RDH12: variants seen among roughly 807,000 people sequenced by gnomAD.
RDH12 encodes retinol dehydrogenase 12, also known as all-trans and 9-cis retinol dehydrogenase.
A neutral mutation model predicts 34.0 loss-of-function variants in RDH12; 21 were observed. The observed-to-expected ratio is 0.62, with a 90% CI of 0.44 to 0.89. The LOEUF is 0.89. Among genes scored for constraint, RDH12 ranks in the 40% least tolerant of loss-of-function variants. The probability of loss-of-function intolerance (pLI) is 0.00; values close to 1 mark genes in which losing one functional copy is unlikely to be tolerated. For missense variants in RDH12, 394 were observed against 398.6 expected (o/e 0.99, Z 0.10); for synonymous variants, 198 against 169.9 (o/e 1.17, Z -1.29).
intron 1 of RDH12, among the ~76,000 whole-genome samples, chr14:67,712,581 C>T (rs1169638528): frequency 1.3e-5 from 2 of 149,122 alleles, no homozygotes; most frequent in Non-Finnish European, 3.0e-5. Flanking sequence ...TACAAACACA[C>T]CTTGGATGTT....
At chr14:67,727,484 T>G (rs1438706291) in intron 7 of RDH12, 1 of 345,418 alleles carries the variant, frequency 2.9e-6, no homozygotes, top group Admixed American at 4.5e-5. Flanking sequence ...TTGTTTTTTT[T>G]GTTTTTTTTT....
At chr14:67,705,542 T>C (rs1056868640) in intron 1 of RDH12, among the ~76,000 whole-genome samples, 2 of 152,200 alleles carry the variant, frequency 1.3e-5, no homozygotes, top group African/African-American at 2.4e-5. Context: ...AAATGCAATG[T>C]GGGGTCCTGA....
At chr14:67,724,624 A>G in intron 4 of RDH12, 33 bp downstream of exon 4, 1 of 1,477,652 alleles carries the variant, frequency 6.8e-7, no homozygotes, top group African/African-American at 1.4e-5. Context: ...CCAAAGGGCC[A>G]TGCCTCCCAC....
chr14:67,732,032 C>T (rs573046391), intron 8 of RDH12, among the ~76,000 whole-genome samples: 1 of 148,976 alleles, frequency 6.7e-6, no homozygotes, highest in Non-Finnish European at 1.5e-5. Context: ...GAGGCTGAGG[C>T]AGGAGAATCA....
At chr14:67,704,126 T>C (rs975931895) in intron 1 of RDH12, among the ~76,000 whole-genome samples, 1 of 152,210 alleles carries the variant, frequency 6.6e-6, no homozygotes. Context: ...AATTTAAATA[T>C]ATTTCCCCCT....
rs1809099560 is a variant in RDH12 at position 67,725,980 on chromosome 14, T to TA, written c.344-70dup. The TA allele has an allele frequency of 1.1e-5, 11 of 1,003,918 alleles. 1 individual carries two copies. Among genetic ancestry groups the TA allele is most frequent in the African/African-American group, 9.5e-5 (6 of 63,276 alleles). 62.2% of individuals were successfully genotyped at this position (1,003,918 alleles called of 1,614,324 possible). ...CTAATGAACAAAGGGAAAGGGCAATTATGCAGGTCTGTTACAGGCAGCTAG... is the reference window on the plus strand; with the variant it reads ...CTAATGAACAAAGGGAAAGGGCAATTAATGCAGGTCTGTTACAGGCAGCTAG... On this transcript the variant is annotated intron_variant, in intron 5 of 8. Transcript: ENST00000551171.
chr14:67,729,812 G>C (rs749675768), intron 8 of RDH12: 1 of 487,106 alleles, frequency 2.1e-6, no homozygotes, highest in Non-Finnish European at 4.1e-6. Flanking sequence ...TGCCAAGATT[G>C]GCACTATCTG....
chr14:67,706,858 T>G (rs2037955654), intron 1 of RDH12, among the ~76,000 whole-genome samples: 2 of 152,214 alleles, frequency 1.3e-5, no homozygotes, highest in Non-Finnish European at 2.9e-5. Context: ...TTAGGATGGT[T>G]CGTTCCTAGA....
chr14:67,719,484 T>A (rs1217215384), intron 1 of RDH12, among the ~76,000 whole-genome samples: 2 of 151,954 alleles, frequency 1.3e-5, no homozygotes, highest in Admixed American at 1.3e-4. Context: ...TTTTCTTTTC[T>A]TTTTTTTAGA....
At chr14:67,727,382 G>A in intron 7 of RDH12, 192 bp downstream of exon 7, 1 of 591,352 alleles carries the variant, frequency 1.7e-6, no homozygotes. Flanking sequence ...TAGGGGTTAA[G>A]AACCTCAAAA....
At chr14:67,719,509 C>A (rs551914434) in intron 1 of RDH12, among the ~76,000 whole-genome samples, 1 of 152,118 alleles carries the variant, frequency 6.6e-6, no homozygotes, top group African/African-American at 2.4e-5. Flanking sequence ...GGGTCTTGCT[C>A]TGTTGCCCAG....
intron 8 of RDH12, chr14:67,729,796 C>T (rs1313091032): frequency 2.0e-6 from 1 of 496,388 alleles, no homozygotes; most frequent in Non-Finnish European, 4.0e-6. Context: ...CTCTGTCCCT[C>T]AATGCTGCCA....
At chr14:67,724,639 C>A in intron 4 of RDH12, 48 bp downstream of exon 4, 2 of 1,372,944 alleles carry the variant, frequency 1.5e-6, no homozygotes, top group Non-Finnish European at 2.1e-6. Flanking sequence ...TCCCACCCTT[C>A]TTCCCACTGG....
At chr14:67,726,909 C>A (rs2038192120) in intron 6 of RDH12, 72 bp from the exon 7 acceptor site, 7 of 1,364,290 alleles carry the variant, frequency 5.1e-6, no homozygotes, top group African/African-American at 2.9e-5. Flanking sequence ...ACACTGAAGT[C>A]CTCTTGGCTC....
Position 67,702,525 on chromosome 14 carries a change from A to G in RDH12, c.-275+590A>G, listed in dbSNP as rs560704571. On this transcript the variant is annotated intron_variant, in intron 1 of 8. Coordinates refer to ENST00000551171, the MANE Select transcript of RDH12 (RefSeq NM_152443.3). ...AAATCCTGACCCTGTAAAATATTTA[A>G]TAAGACAAGTATAAATCTGACCATA... Among the ~76,000 whole-genome samples, 6 of 152,344 alleles carry G rather than the reference A, an allele frequency of 3.9e-5. No homozygotes were observed. The East Asian group carries it at 1.2e-3, about 29-fold the overall frequency.
At chr14:67,726,255 A>G in intron 6 of RDH12, 100 bp downstream of exon 6, 1 of 795,500 alleles carries the variant, frequency 1.3e-6, no homozygotes, top group South Asian at 1.4e-5. Context: ...GGGCCTTCAT[A>G]GAGCCTAGGA....
At chr14:67,729,511 C>A in intron 8 of RDH12, 131 bp downstream of exon 8, 1 of 847,702 alleles carries the variant, frequency 1.2e-6, no homozygotes, top group Non-Finnish European at 1.9e-6. Context: ...GGCCTGCAAA[C>A]AGAATGCCGT....
At chr14:67,705,249 G>T (rs1011456252) in intron 1 of RDH12, among the ~76,000 whole-genome samples, 1 of 152,214 alleles carries the variant, frequency 6.6e-6, no homozygotes, top group Non-Finnish European at 1.5e-5. Flanking sequence ...CAATACAGAG[G>T]TTACAGTCCT....
At chr14:67,704,209 G>C (rs1404934292) in intron 1 of RDH12, among the ~76,000 whole-genome samples, 1 of 152,202 alleles carries the variant, frequency 6.6e-6, no homozygotes, top group Non-Finnish European at 1.5e-5. Flanking sequence ...GGAGCCAGGA[G>C]AACAAACAGG....
Sources: gnomAD v4.1 joint callset for allele counts (sites outside exome capture counted in the v4.1 genomes callset) on GRCh38, gnomAD v4.1.1 for gene constraint, MANE v1.5 for transcripts, NCBI Gene and HGNC (gene_info 2026-07-23, HGNC 2026-07-21) for gene names.